The following TCERG1L variants were observed in gnomAD, a reference collection of about 807,000 sequenced individuals.
The protein encoded by TCERG1L is transcription elongation regulator 1 like.
Under a neutral mutation model 56.3 loss-of-function variants are expected in TCERG1L, and 37 were observed. The observed-to-expected ratio is 0.66, with a 90% confidence interval of 0.51 to 0.87. TCERG1L has a LOEUF of 0.87. Among genes scored for constraint, TCERG1L ranks in the 40% least tolerant of loss-of-function variants. The pLI, the probability that TCERG1L is intolerant of heterozygous loss-of-function variation, is 0.00. For missense variants in TCERG1L, 799 were observed against 774.2 expected (o/e 1.03, Z -0.38); for synonymous variants, 324 against 326.3 (o/e 0.99, Z 0.08).
At position 131,260,361 on chromosome 10, in the gene TCERG1L, C is replaced by T. The variant is rs1235164140; in HGVS notation, c.754G>A (p.Asp252Asn). The T allele has an allele frequency of 6.7e-7, 1 of 1,496,660 alleles. No homozygotes were observed. 92.7% of individuals were successfully genotyped at this position (1,496,660 alleles called of 1,614,324 possible). The change falls in exon 4 of 12, where the codon GAC (aspartate) becomes AAC (asparagine). Residue 252 changes from aspartate to asparagine, a missense_variant. Asp to Asn is a conservative substitution (Grantham distance 23). Transcript: ENST00000368642. This position sits in a 1 kb window ranked among gnomAD's most constrained non-coding sequence, Gnocchi z 5.8. ...TAAAAAMVSV[D>N]PENLRGPSPS... is the part of the protein sequence containing the mutation. The stretch of plus-strand genomic sequence containing the variant: ...GACGGGCCCCGGAGGTTCTCAGGGT[C>T]CACGGAGACCATGGCAGCGGCGGCG...
chr10:131,128,795 C>G (rs950521924), intron 8 of TCERG1L, among the ~76,000 whole-genome samples: 5 of 152,120 alleles, frequency 3.3e-5, no homozygotes, highest in African/African-American at 9.7e-5. Context: ...CAAGATAGAT[C>G]ATCTGCTTGC....
At chr10:131,206,733 G>A (rs899764542) in intron 4 of TCERG1L, among the ~76,000 whole-genome samples, 4 of 152,182 alleles carry the variant, frequency 2.6e-5, no homozygotes, top group African/African-American at 9.6e-5. Context: ...TGAAATAGTG[G>A]CTGGGGCAGC....
At chr10:131,186,138 T>C (rs1183674608) in intron 4 of TCERG1L, among the ~76,000 whole-genome samples, 1 of 152,204 alleles carries the variant, frequency 6.6e-6, no homozygotes, top group East Asian at 1.9e-4. Flanking sequence ...TTCATTTACC[T>C]GAAATGTGCA....
intron 7 of TCERG1L, among the ~76,000 whole-genome samples, chr10:131,140,938 G>C (rs910937030): frequency 6.6e-6 from 1 of 152,032 alleles, no homozygotes; most frequent in Non-Finnish European, 1.5e-5. Context: ...AACAGGTCCA[G>C]CCAGGTGCTC....
chr10:131,230,598 C>T (rs1007599133), intron 4 of TCERG1L, among the ~76,000 whole-genome samples: 3 of 152,220 alleles, frequency 2.0e-5, no homozygotes, highest in African/African-American at 7.2e-5. Context: ...AATCGTATCT[C>T]AGCTAAGCCT....
At chr10:131,249,063 C>T (rs373448028) in intron 4 of TCERG1L, among the ~76,000 whole-genome samples, 33 of 152,334 alleles carry the variant, frequency 2.2e-4, no homozygotes, top group Non-Finnish European at 2.2e-4. Context: ...TTCCCTCTCA[C>T]GCTCACTTGT....
chr10:131,306,411 T>A (rs1002810553), intron 3 of TCERG1L, among the ~76,000 whole-genome samples: 8 of 136,788 alleles, frequency 5.8e-5, no homozygotes, highest in African/African-American at 2.1e-4. Context: ...TCATATATGA[T>A]CCGTAAATTA....
intron 8 of TCERG1L, among the ~76,000 whole-genome samples, chr10:131,127,198 G>C (rs1047995896): frequency 6.6e-6 from 1 of 152,136 alleles, no homozygotes; most frequent in East Asian, 1.9e-4. Flanking sequence ...TAAGCACACC[G>C]AATTGTTAGA....
chr10:131,214,857 A>G (rs1340295511), intron 4 of TCERG1L, among the ~76,000 whole-genome samples: 1 of 152,204 alleles, frequency 6.6e-6, no homozygotes, highest in East Asian at 1.9e-4. Flanking sequence ...ACTGATATTG[A>G]ACTGAATTTA....
intron 4 of TCERG1L, among the ~76,000 whole-genome samples, chr10:131,177,073 TACAC>T (rs1185938279): frequency 8.4e-5 from 7 of 83,724 alleles, no homozygotes; most frequent in Admixed American, 2.3e-4. Flanking sequence ...CACAGACACA[TACAC>T]ACACACGTAC....
At chr10:131,246,004 C>G (rs980170600) in intron 4 of TCERG1L, among the ~76,000 whole-genome samples, 9 of 152,222 alleles carry the variant, frequency 5.9e-5, no homozygotes, top group African/African-American at 2.2e-4. Context: ...CGAGAGCCCC[C>G]CAAGTGTCGG....
intron 4 of TCERG1L, among the ~76,000 whole-genome samples, chr10:131,248,242 TCACA>T (rs1272119697): frequency 7.0e-6 from 1 of 142,066 alleles, no homozygotes; most frequent in Non-Finnish European, 1.5e-5. Context: ...CACACACGAC[TCACA>T]CACACTGATA....
chr10:131,115,598 A>T (rs1370462445), intron 9 of TCERG1L, among the ~76,000 whole-genome samples: 1 of 113,286 alleles, frequency 8.8e-6, no homozygotes, highest in African/African-American at 3.2e-5. Context: ...ACCAGCTCAC[A>T]CCCCCACTTT....
chr10:131,196,923 C>T (rs188615159), intron 4 of TCERG1L, among the ~76,000 whole-genome samples: 62 of 152,262 alleles, frequency 4.1e-4, no homozygotes, highest in Non-Finnish European at 7.8e-4. Context: ...AGGGAGGGCC[C>T]CTGACTTGCC....
chr10:131,285,865 G>A (rs1015021802), intron 3 of TCERG1L, among the ~76,000 whole-genome samples: 1 of 152,074 alleles, frequency 6.6e-6, no homozygotes, highest in Non-Finnish European at 1.5e-5. Context: ...TGAGCACCAG[G>A]AAACTCAGAT....
At chr10:131,256,729 C>T (rs1048473461) in intron 4 of TCERG1L, among the ~76,000 whole-genome samples, 1 of 151,656 alleles carries the variant, frequency 6.6e-6, no homozygotes, top group Non-Finnish European at 1.5e-5. Flanking sequence ...ACTAAAAATA[C>T]AAAAATTACC....
chr10:131,107,464 G>T (rs1384894564), intron 9 of TCERG1L, among the ~76,000 whole-genome samples: 1 of 152,166 alleles, frequency 6.6e-6, no homozygotes, highest in Non-Finnish European at 1.5e-5. Context: ...TCATGTCAGG[G>T]ACAGTTCAGG....
At chr10:131,160,224 C>T (rs922418522) in intron 6 of TCERG1L, among the ~76,000 whole-genome samples, 1 of 152,212 alleles carries the variant, frequency 6.6e-6, no homozygotes, top group African/African-American at 2.4e-5. Flanking sequence ...AGAATTCCCT[C>T]TCATCCTCAT....
chr10:131,196,878 TAAGAG>T (rs1187318892), intron 4 of TCERG1L, among the ~76,000 whole-genome samples: 4 of 152,220 alleles, frequency 2.6e-5, no homozygotes, highest in Admixed American at 6.5e-5. Context: ...TCAGCTCTAC[TAAGAG>T]AAGAAGGAGA....
Sources: allele counts gnomAD v4.1 joint callset (sites outside exome capture counted in the v4.1 genomes callset), GRCh38; gene constraint gnomAD v4.1.1; non-coding constraint Gnocchi (gnomAD v3.1); transcripts MANE v1.5; gene names NCBI Gene and HGNC (gene_info 2026-07-23, HGNC 2026-07-21).